CHN2: variants seen among roughly 807,000 people sequenced by gnomAD.
The protein encoded by CHN2 is beta-chimaerin.
A neutral mutation model predicts 56.3 loss-of-function variants in CHN2; 35 were observed. The observed-to-expected ratio is 0.62, with a 90% CI of 0.47 to 0.82. The LOEUF (loss-of-function observed/expected upper bound fraction) is 0.82. CHN2 is among the 40% of genes least tolerant of loss of function. CHN2 has a pLI of 0.00. For synonymous variants in CHN2, 210 were observed against 212.8 expected, an observed-to-expected ratio of 0.99 and a Z score of 0.12; for missense variants, 491 against 580.5, an observed-to-expected ratio of 0.85 and a Z score of 1.58.
chr7:29,204,065 CTCTGTG>C (rs10591382), intron 1 of CHN2, among the ~76,000 whole-genome samples: 17,040 of 135,894 alleles, frequency 0.13, 1,152 homozygotes, highest in East Asian at 0.25. Flanking sequence ...TTTTCTCTCT[CTCTGTG>C]TGTGTGTGTG....
At chr7:29,185,266 C>T (rs1291569324) in intron 2 of CHN2, among the ~76,000 whole-genome samples, 1 of 152,088 alleles carries the variant, frequency 6.6e-6, no homozygotes, top group East Asian at 1.9e-4. Context: ...TGGGAGTGAC[C>T]CTAAGTGCCT....
chr7:29,472,996 T>G (rs17158067), intron 6 of CHN2, among the ~76,000 whole-genome samples: 10,578 of 152,230 alleles, frequency 0.069, 450 homozygotes, highest in East Asian at 0.23. Flanking sequence ...GGTCATAATT[T>G]TAAAATCATA....
chr7:29,218,405 G>C (rs1488389879), intron 1 of CHN2, among the ~76,000 whole-genome samples: 1 of 152,012 alleles, frequency 6.6e-6, no homozygotes, highest in Non-Finnish European at 1.5e-5. Flanking sequence ...CGATTCCTCA[G>C]GGATCTAGAA....
chr7:29,297,728 A>G (rs1793301811), intron 1 of CHN2, among the ~76,000 whole-genome samples: 2 of 151,996 alleles, frequency 1.3e-5, no homozygotes, highest in African/African-American at 4.8e-5. Context: ...GCCCAGTCCT[A>G]AGCCAACTAG....
intron 1 of CHN2, among the ~76,000 whole-genome samples, chr7:29,240,831 G>A (rs1408059372): frequency 6.6e-6 from 1 of 151,108 alleles, no homozygotes; most frequent in African/African-American, 2.4e-5. Flanking sequence ...CGTCGTCGTC[G>A]TCGTCTTCGT....
chr7:29,187,968 G>A (rs1170909722), intron 2 of CHN2, among the ~76,000 whole-genome samples: 1 of 152,208 alleles, frequency 6.6e-6, no homozygotes, highest in African/African-American at 2.4e-5. Flanking sequence ...CAAAGTATCT[G>A]TAGCTAAATT....
chr7:29,178,653 T>C (rs1262629169), intron 2 of CHN2, among the ~76,000 whole-genome samples: 1 of 152,204 alleles, frequency 6.6e-6, no homozygotes, highest in African/African-American at 2.4e-5. Flanking sequence ...AGGGACTTTG[T>C]TTATTGTTAT....
intron 1 of CHN2, among the ~76,000 whole-genome samples, chr7:29,218,967 A>T (rs564566746): frequency 1.3e-4 from 18 of 143,460 alleles, no homozygotes; most frequent in South Asian, 8.7e-4. Flanking sequence ...AATATAATTT[A>T]AAAAAAAATA....
chr7:29,242,761 A>G (rs73074541), intron 1 of CHN2, among the ~76,000 whole-genome samples: 188 of 86,558 alleles, frequency 2.2e-3, no homozygotes, highest in Middle Eastern at 6.4e-3. Context: ...TTCCTTCTGA[A>G]AAAAAAAAAA....
chr7:29,264,521 C>T (rs572727440), intron 1 of CHN2, among the ~76,000 whole-genome samples: 2 of 152,178 alleles, frequency 1.3e-5, no homozygotes, highest in Non-Finnish European at 2.9e-5. Context: ...CGCCCAACCC[C>T]GTGCTCTCTG....
intron 1 of CHN2, among the ~76,000 whole-genome samples, chr7:29,216,070 G>T (rs1177489934): frequency 6.6e-6 from 1 of 152,120 alleles, no homozygotes; most frequent in Non-Finnish European, 1.5e-5. Flanking sequence ...TGTTGGGAGA[G>T]GCTGGAACTT....
At chr7:29,478,339 A>G (rs1047812659) in intron 6 of CHN2, among the ~76,000 whole-genome samples, 37 of 151,810 alleles carry the variant, frequency 2.4e-4, no homozygotes, top group Non-Finnish European at 4.6e-4. Flanking sequence ...CTCATGAAAA[A>G]CCAGCAATGC....
At chr7:29,291,789 C>G (rs931584455) in intron 1 of CHN2, among the ~76,000 whole-genome samples, 2 of 152,120 alleles carry the variant, frequency 1.3e-5, no homozygotes, top group African/African-American at 4.8e-5. Flanking sequence ...AAAACTGCCA[C>G]GATTCTTACA....
intron 2 of CHN2, among the ~76,000 whole-genome samples, chr7:29,180,487 A>G (rs1421769311): frequency 6.6e-6 from 1 of 152,094 alleles, no homozygotes; most frequent in Non-Finnish European, 1.5e-5. Context: ...AGATCGCGCC[A>G]CTGCACTGGG....
chr7:29,370,612 T>C (rs1799531106), intron 3 of CHN2, among the ~76,000 whole-genome samples: 1 of 152,100 alleles, frequency 6.6e-6, no homozygotes, highest in African/African-American at 2.4e-5. Context: ...ATCTCTGTTG[T>C]TTCTCTGATG....
At chr7:29,390,537 T>A (rs1409823054) in intron 3 of CHN2, among the ~76,000 whole-genome samples, 2 of 152,226 alleles carry the variant, frequency 1.3e-5, no homozygotes, top group African/African-American at 4.8e-5. Flanking sequence ...TAAATTTTTT[T>A]ATTAAGTTGC....
chr7:29,304,967 C>G (rs553519103), intron 1 of CHN2, among the ~76,000 whole-genome samples: 1 of 152,152 alleles, frequency 6.6e-6, no homozygotes, highest in African/African-American at 2.4e-5. Context: ...GCGGAGGATA[C>G]GTCTGTTTCC....
chr7:29,449,878 T>C (rs979463336), intron 6 of CHN2, among the ~76,000 whole-genome samples: 1 of 152,244 alleles, frequency 6.6e-6, no homozygotes, highest in Non-Finnish European at 1.5e-5. Context: ...TGGTGTTTAC[T>C]CTGTTCTAAA....
At chr7:29,277,068 T>A (rs774459475) in intron 1 of CHN2, among the ~76,000 whole-genome samples, 1 of 152,172 alleles carries the variant, frequency 6.6e-6, no homozygotes, top group African/African-American at 2.4e-5. Flanking sequence ...TCACTGATCA[T>A]GCATTTAAGG....
Sources: gnomAD v4.1 joint callset for allele counts (sites outside exome capture counted in the v4.1 genomes callset) on GRCh38, gnomAD v4.1.1 for gene constraint, MANE v1.5 for transcripts, NCBI Gene and HGNC (gene_info 2026-07-23, HGNC 2026-07-21) for gene names.